The following MTG2 variants were observed in gnomAD, a reference collection of about 807,000 sequenced individuals.
MTG2 encodes the protein mitochondrial ribosome associated GTPase 2.
MTG2 carries 23 observed loss-of-function variants against 28.6 expected under a neutral mutation model. The ratio of observed to expected loss-of-function variants is 0.80; its 90% confidence interval spans 0.58 to 1.14. The LOEUF is 1.14. Among genes scored for constraint, MTG2 ranks in the 50% most tolerant of loss-of-function variants. The pLI, the probability that MTG2 is intolerant of heterozygous loss-of-function variation, is 0.00. For missense variants in MTG2, 539 were observed against 552.0 expected (o/e 0.98, Z 0.24); for synonymous variants, 260 against 251.8 (o/e 1.03, Z -0.31).
At position 62,194,967 on chromosome 20, in the gene MTG2, C is replaced by T. The variant is rs190722535; in HGVS notation, c.205-835C>T. On this transcript the variant is annotated intron_variant, in intron 2 of 6. Transcript: ENST00000370823. Reference sequence around the variant, plus strand: ...GTCCCAGCACTTTGGGAGGCCGAGGCGGGTGGATCACGAGGTCAGGAGATC... The same window carrying T: ...GTCCCAGCACTTTGGGAGGCCGAGGTGGGTGGATCACGAGGTCAGGAGATC... Among the ~76,000 whole-genome samples the T allele has an allele frequency of 4.8e-3, 726 of 152,328 alleles. 11 individuals are homozygous for T. The highest frequency in any genetic ancestry group is 7.4e-3 in the Non-Finnish European group (504 of 68,026).
chr20:62,200,595 G>A (rs116598734), intron 6 of MTG2, 88 bp from the exon 7 acceptor site: 33,329 of 1,463,116 alleles, frequency 0.023, 470 homozygotes, highest in African/African-American at 0.062. Flanking sequence ...TGGGCTCCAG[G>A]CCTTCTCTCC....
At chr20:62,199,006 C>G in intron 5 of MTG2, 113 bp from the exon 6 acceptor site, 1 of 1,554,706 alleles carries the variant, frequency 6.4e-7, no homozygotes, top group Non-Finnish European at 8.8e-7. Flanking sequence ...GAGCATGAGC[C>G]CTTGTGACTC....
Position 62,183,094 on chromosome 20 carries a change from G to A in MTG2, c.-6+37G>A, listed in dbSNP as rs966960083. 2.7e-5 allele frequency: 4 copies of A among 150,440 alleles called. 1 individual carries two copies. Among genetic ancestry groups the A allele is most frequent in the Non-Finnish European group, 5.9e-5 (4 of 68,132 alleles). 9.3% of individuals were successfully genotyped at this position (150,440 alleles called of 1,614,324 possible). ...AGCGGGGAGCGGGGAGCGTGGGCCTGGGGGGTGGTCGCGGCCCGGGCGCAA... is the reference window on the plus strand; with the variant it reads ...AGCGGGGAGCGGGGAGCGTGGGCCTAGGGGGTGGTCGCGGCCCGGGCGCAA... On this transcript the variant is annotated intron_variant, in intron 1 of 6. Transcript: ENST00000370823.
chr20:62,197,536 C>T lies in MTG2; in HGVS notation c.353-316C>T, dbSNP rs141600931. 29 of 204,792 alleles carry T rather than the reference C, an allele frequency of 1.4e-4. No individual in the cohort carries two copies. In the East Asian group the frequency reaches 3.1e-3, roughly 22 times the overall value. The allele number at this position is 204,792 out of a possible 1,614,324, so 12.7% of individuals were successfully genotyped here. On this transcript the variant is annotated intron_variant, in intron 3 of 6. Coordinates refer to ENST00000370823, the MANE Select transcript of MTG2 (RefSeq NM_015666.4). ...CCTGTGTGGTGGGTTCGGTGGGTGC[C>T]GCTGGCTGCTGGTTATATTCACACT...
At chr20:62,184,188 C>A (rs1321242464) in intron 1 of MTG2, among the ~76,000 whole-genome samples, 1 of 152,164 alleles carries the variant, frequency 6.6e-6, no homozygotes. Context: ...GAAACCCCAT[C>A]TCTACTAAAA....
chr20:62,184,069 C>G (rs1276309264), intron 1 of MTG2, among the ~76,000 whole-genome samples: 2 of 152,206 alleles, frequency 1.3e-5, no homozygotes, highest in Admixed American at 1.3e-4. Flanking sequence ...AGTCAAGAAT[C>G]AGGTTTCCGC....
intron 4 of MTG2, chr20:62,198,324 C>T (rs1381455520): frequency 7.5e-6 from 4 of 530,542 alleles, no homozygotes; most frequent in African/African-American, 3.8e-5. Context: ...GTCTCCTTCG[C>T]GAGCTGAATT....
chr20:62,201,575 G>A lies in MTG2; in HGVS notation c.*498G>A, dbSNP rs2058172139. On this transcript the variant is annotated 3_prime_UTR_variant, in exon 7 of 7. Coordinates refer to ENST00000370823, the MANE Select transcript of MTG2 (RefSeq NM_015666.4). Reference sequence around the variant, plus strand: ...TGGCCCGTTGTCCAGCAGCCCTGCGGTACCGCAAGCCCAGGCACCAGTGTC... The same window carrying A: ...TGGCCCGTTGTCCAGCAGCCCTGCGATACCGCAAGCCCAGGCACCAGTGTC... The A allele has an allele frequency of 1.3e-5, 2 of 153,562 alleles. No homozygotes were observed. The highest frequency in any genetic ancestry group is 4.1e-4 in the South Asian group (2 of 4,890). 9.5% of individuals were successfully genotyped at this position (153,562 alleles called of 1,614,324 possible).
chr20:62,194,831 G>T (rs115783986), intron 2 of MTG2, among the ~76,000 whole-genome samples: 1 of 152,190 alleles, frequency 6.6e-6, no homozygotes, highest in African/African-American at 2.4e-5. Context: ...GGTAGGAGCT[G>T]TTGTGTGTTG....
rs557014555 is a variant in MTG2, at chr20:62,202,422, C to T, written c.*1345C>T. On this transcript the variant is annotated 3_prime_UTR_variant, in exon 7 of 7. Coordinates refer to ENST00000370823, the MANE Select transcript of MTG2 (RefSeq NM_015666.4). ...CTGCACTCCAGCCTGAGTGACAGAG[C>T]GAGACCCTGTCTCAAAAAACAAACA... is the stretch of plus-strand genomic sequence containing the variant. 61 of 157,466 alleles carry T rather than the reference C, an allele frequency of 3.9e-4. No homozygotes were observed. Among genetic ancestry groups the T allele is most frequent in the Middle Eastern group, 3.0e-3 (1 of 328 alleles). The allele number at this position is 157,466 out of a possible 1,614,324, so 9.8% of individuals were successfully genotyped here.
chr20:62,198,994 G>A (rs539234342), intron 5 of MTG2, 125 bp from the exon 6 acceptor site: 25 of 1,541,592 alleles, frequency 1.6e-5, no homozygotes, highest in South Asian at 1.3e-4. Flanking sequence ...TGACTTGGTC[G>A]TGAGCATGAG....
chr20:62,197,654 A>T, intron 3 of MTG2, 198 bp from the exon 4 acceptor site: 1 of 563,296 alleles, frequency 1.8e-6, no homozygotes, highest in South Asian at 2.2e-5. Context: ...AAAAATTTTC[A>T]GAAATGATAG....
In MTG2 at chr20:62,201,406, C is replaced by A. The variant is rs6587295; in HGVS notation, c.*329C>A. ...CTGACTCAGGTCTCCGCCATGCACG[C>A]GTGGACTCTCGGATGAGCTCAGCAG... On this transcript the variant is annotated 3_prime_UTR_variant, in exon 7 of 7. Coordinates refer to ENST00000370823, the MANE Select transcript of MTG2 (RefSeq NM_015666.4). 2,287 of 329,940 alleles carry A rather than the reference C, an allele frequency of 6.9e-3. 46 individuals are homozygous for A. The highest frequency in any genetic ancestry group is 0.045 in the African/African-American group (2,132 of 47,218). 20.4% of individuals were successfully genotyped at this position (329,940 alleles called of 1,614,324 possible).
chr20:62,198,612 A>ATGAG, intron 4 of MTG2, 22 bp from the exon 5 acceptor site: 2 of 1,610,700 alleles, frequency 1.2e-6, no homozygotes, highest in Non-Finnish European at 1.7e-6. Context: ...AGCTCAGCTG[A>ATGAG]TGAGTGCCTG....
chr20:62,201,192 G>C lies in MTG2; in HGVS notation c.*115G>C. 7.6e-7 allele frequency: 1 copy of C among 1,314,650 alleles called. No homozygotes were observed. Among genetic ancestry groups the C allele is most frequent in the Non-Finnish European group, 1.0e-6 (1 of 988,872 alleles). The allele number at this position is 1,314,650 out of a possible 1,614,324, so 81.4% of individuals were successfully genotyped here. A position where few individuals can be genotyped will look rare whatever the true frequency, so the allele number is the denominator to read the frequency against. ...ACACGGGGGAGTTGTGGTGCTTCTGGGTCTCTGGGCCCCGCCTGCTGGCCT... is the reference window on the plus strand; with the variant it reads ...ACACGGGGGAGTTGTGGTGCTTCTGCGTCTCTGGGCCCCGCCTGCTGGCCT... On this transcript the variant is annotated 3_prime_UTR_variant, in exon 7 of 7. Transcript: ENST00000370823.
chr20:62,184,863 A>G (rs2057808154), intron 1 of MTG2, among the ~76,000 whole-genome samples: 1 of 152,044 alleles, frequency 6.6e-6, no homozygotes, highest in African/African-American at 2.4e-5. Context: ...TAATCCCAGC[A>G]CTTTGGGGGG....
At chr20:62,189,779 C>T (rs1437667604) in intron 1 of MTG2, among the ~76,000 whole-genome samples, 1 of 151,636 alleles carries the variant, frequency 6.6e-6, no homozygotes, top group Admixed American at 6.6e-5. Context: ...ATTCTCCTGC[C>T]TCAGCCTCCT....
intron 1 of MTG2, among the ~76,000 whole-genome samples, chr20:62,188,584 C>T (rs1344130118): frequency 6.9e-6 from 1 of 145,588 alleles, no homozygotes; most frequent in African/African-American, 2.5e-5. Flanking sequence ...AATTCCTGGC[C>T]TCAAGTTTTT....
At chr20:62,198,149 C>T (rs777673263) in intron 4 of MTG2, 182 bp downstream of exon 4, 16 of 595,820 alleles carry the variant, frequency 2.7e-5, no homozygotes, top group East Asian at 1.7e-4. Flanking sequence ...CAAACCCAGA[C>T]GGGCATTTGT....
Sources: gnomAD v4.1 joint callset for allele counts (sites outside exome capture counted in the v4.1 genomes callset) on GRCh38, gnomAD v4.1.1 for gene constraint, MANE v1.5 for transcripts, NCBI Gene and HGNC (gene_info 2026-07-23, HGNC 2026-07-21) for gene names.